The following NEK6 variants were observed in gnomAD, a reference collection of about 807,000 sequenced individuals.
NEK6 encodes serine/threonine-protein kinase Nek6.
Under a neutral mutation model 43.5 loss-of-function variants are expected in NEK6, and 27 were observed. That is an observed-to-expected ratio of 0.62 (90% CI 0.46 to 0.86). The LOEUF is 0.86. NEK6 is among the 40% of genes least tolerant of loss of function. The probability of loss-of-function intolerance (pLI) is 0.00; values close to 1 mark genes in which losing one functional copy is unlikely to be tolerated. For synonymous variants in NEK6, 167 were observed against 164.1 expected (o/e 1.02, Z -0.14); for missense variants, 318 against 414.4 (o/e 0.77, Z 2.02).
At position 124,275,523 on chromosome 9, in the gene NEK6, T is replaced by G. The variant is rs1428446017; in HGVS notation, c.-30+17438T>G. ...CCTGGTTCTCTGGGTCTGTAATGCTTTCCTTCTCACTTCTCAGACATCACT... is the reference window on the plus strand; with the variant it reads ...CCTGGTTCTCTGGGTCTGTAATGCTGTCCTTCTCACTTCTCAGACATCACT... On this transcript the variant is annotated intron_variant, in intron 1 of 9. Coordinates refer to ENST00000320246, the MANE Select transcript of NEK6 (RefSeq NM_014397.6). The surrounding 1 kb of genome is among the most constrained non-coding windows in gnomAD (Gnocchi z 4.4). Among the ~76,000 whole-genome samples the G allele has an allele frequency of 6.6e-6, 1 of 152,192 alleles. No individual in the cohort carries two copies. The highest frequency in any genetic ancestry group is 2.4e-5 in the African/African-American group (1 of 41,442).
intron 1 of NEK6, chr9:124,261,653 C>G: frequency 1.1e-6 from 1 of 903,072 alleles, no homozygotes; most frequent in East Asian, 1.2e-4. Flanking sequence ...CCATTTCGAT[C>G]ACGGCTTCTA....
chr9:124,312,776 G>A, intron 3 of NEK6, 127 bp downstream of exon 3: 1 of 947,866 alleles, frequency 1.1e-6, no homozygotes, highest in South Asian at 1.8e-5. Context: ...TCAACTCACT[G>A]GGTTACAGAG....
intron 9 of NEK6, among the ~76,000 whole-genome samples, chr9:124,348,461 A>G (rs1334937074): frequency 2.0e-5 from 3 of 152,172 alleles, no homozygotes; most frequent in African/African-American, 7.2e-5. Flanking sequence ...AATGGTGAGG[A>G]AGAAAGGACA....
rs759376496 is a variant in NEK6 at position 124,326,320 on chromosome 9, C to G, written c.406-10C>G. The G allele has an allele frequency of 6.2e-7, 1 of 1,603,208 alleles. No individual in the cohort carries two copies. Among genetic ancestry groups the G allele is most frequent in the South Asian group, 1.1e-5 (1 of 90,964 alleles). ...CGGGCCTATCCCTCTGCTTGTCTCC[C>G]CCACTGCAGTACTTTAAGAAGCAGA... is the stretch of plus-strand genomic sequence containing the variant. On this transcript the variant is annotated splice_polypyrimidine_tract_variant and intron_variant, in intron 5 of 9. Coordinates refer to ENST00000320246, the MANE Select transcript of NEK6 (RefSeq NM_014397.6). This position sits in a 1 kb window ranked among gnomAD's most constrained non-coding sequence, Gnocchi z 4.5.
intron 1 of NEK6, among the ~76,000 whole-genome samples, chr9:124,280,824 G>A (rs1366598297): frequency 1.3e-5 from 2 of 152,128 alleles, no homozygotes; most frequent in East Asian, 3.9e-4. Context: ...ACAGGGTCTT[G>A]CTCTGTTGCC....
chr9:124,260,599 G>T (rs956199482), intron 1 of NEK6, among the ~76,000 whole-genome samples: 3 of 152,104 alleles, frequency 2.0e-5, no homozygotes, highest in African/African-American at 7.2e-5. Flanking sequence ...GTTTCACTGT[G>T]TTGGCCAGCC....
rs767941733 is a variant in NEK6 at position 124,326,468 on chromosome 9, A to G, written c.514+30A>G. 1.3e-6 allele frequency: 2 copies of G among 1,510,086 alleles called. No homozygotes were observed. The highest frequency in any genetic ancestry group is 2.7e-5 in the African/African-American group (2 of 73,022). 93.5% of individuals were successfully genotyped at this position (1,510,086 alleles called of 1,614,324 possible). ...GTGCCACCCGCCAGGAGCCGCCCGG[A>G]GCCACCTGGAGCCCAGGAAGACACT... On this transcript the variant is annotated intron_variant, in intron 6 of 9. Coordinates refer to ENST00000320246, the MANE Select transcript of NEK6 (RefSeq NM_014397.6). This position sits in a 1 kb window ranked among gnomAD's most constrained non-coding sequence, Gnocchi z 4.5.
At chr9:124,334,415 T>G (rs917654632) in intron 7 of NEK6, among the ~76,000 whole-genome samples, 1 of 152,202 alleles carries the variant, frequency 6.6e-6, no homozygotes, top group Non-Finnish European at 1.5e-5. Context: ...CTTTTCTCCG[T>G]ACACCAGTGG....
At chr9:124,280,139 G>A (rs1831830349) in intron 1 of NEK6, among the ~76,000 whole-genome samples, 1 of 152,028 alleles carries the variant, frequency 6.6e-6, no homozygotes, top group East Asian at 2.0e-4. Flanking sequence ...AGGTGTGCCT[G>A]GCTGTGTCCT....
chr9:124,301,872 A>G (rs1239961378), intron 1 of NEK6, 64 bp from the exon 2 acceptor site: 1 of 1,348,996 alleles, frequency 7.4e-7, no homozygotes, highest in Non-Finnish European at 1.0e-6. Context: ...GGGGTGAGCG[A>G]AAGTCCCTCC....
At chr9:124,280,595 G>A (rs574143645) in intron 1 of NEK6, among the ~76,000 whole-genome samples, 5 of 152,298 alleles carry the variant, frequency 3.3e-5, no homozygotes, top group South Asian at 4.1e-4. Context: ...TTCCAAGCAC[G>A]AGGTGACCAG....
In NEK6 at chr9:124,313,263, C is replaced by G. The variant is rs558440059; in HGVS notation, c.231+614C>G. On this transcript the variant is annotated intron_variant, in intron 3 of 9. Transcript: ENST00000320246. Reference sequence around the variant, plus strand: ...ATTGAGAGCCTGGGCAGAGGAGGGCCGGGAGAGAGAATGGCGTTGGGGAAA... The same window carrying G: ...ATTGAGAGCCTGGGCAGAGGAGGGCGGGGAGAGAGAATGGCGTTGGGGAAA... Among the ~76,000 whole-genome samples, 3 of 152,184 alleles carry G rather than the reference C, an allele frequency of 2.0e-5. No homozygotes were observed. The South Asian group carries it at 6.2e-4, about 32-fold the overall frequency.
chr9:124,258,171 A>C (rs1373881772), intron 1 of NEK6, 86 bp downstream of exon 1: 10 of 973,076 alleles, frequency 1.0e-5, no homozygotes, highest in Admixed American at 6.4e-5. Flanking sequence ...CGTCACCCCC[A>C]GCCGGGCCGA....
chr9:124,346,278 C>T (rs761186794), intron 8 of NEK6, among the ~76,000 whole-genome samples: 5 of 152,206 alleles, frequency 3.3e-5, no homozygotes, highest in Admixed American at 6.5e-5. Flanking sequence ...CCTCCACGCC[C>T]TCCTGAAGGA....
chr9:124,260,059 A>G (rs1418935378), intron 1 of NEK6, among the ~76,000 whole-genome samples: 3 of 152,072 alleles, frequency 2.0e-5, no homozygotes, highest in Admixed American at 1.3e-4. Flanking sequence ...TGTGACAGAA[A>G]ATGCTTTTGG....
intron 2 of NEK6, among the ~76,000 whole-genome samples, chr9:124,311,151 C>T (rs1833507428): frequency 6.6e-6 from 1 of 152,190 alleles, no homozygotes; most frequent in South Asian, 2.1e-4. Flanking sequence ...AAGCAGCTGT[C>T]AGAAGGGCCA....
chr9:124,281,517 T>TG, intron 1 of NEK6, among the ~76,000 whole-genome samples: 1 of 130,410 alleles, frequency 7.7e-6, no homozygotes, highest in East Asian at 2.3e-4. Context: ...TTTTTTTTTT[T>TG]GGAGGCAGAA....
rs541357114 is a variant in NEK6, at chr9:124,342,850, C to T, written c.717+3185C>T. Among the ~76,000 whole-genome samples, 5 of 152,364 alleles carry T rather than the reference C, an allele frequency of 3.3e-5. No individual in the cohort carries two copies. In the South Asian group the frequency reaches 6.2e-4, roughly 19 times the overall value. ...CACACACACAGCATATGAACACACA[C>T]ACAGGCTGGCCAGGCTGACAGAGCT... On this transcript the variant is annotated intron_variant, in intron 8 of 9. Transcript: ENST00000320246.
rs1182131908 is a variant in NEK6, at chr9:124,352,228, G to A, written c.*1281G>A. 6.6e-6 allele frequency: 1 copy of A among 152,518 alleles called. No individual in the cohort carries two copies. Among genetic ancestry groups the A allele is most frequent in the Non-Finnish European group, 1.5e-5 (1 of 68,056 alleles). The allele number at this position is 152,518 out of a possible 1,614,324, so 9.4% of individuals were successfully genotyped here. On this transcript the variant is annotated 3_prime_UTR_variant, in exon 10 of 10. Transcript: ENST00000320246. ...CGCTGGCATCGGGCAGGTGATTCCT[G>A]ACACCTGCTGCCTGCAGGCATTCAC...
Sources: gnomAD v4.1 joint callset for allele counts (sites outside exome capture counted in the v4.1 genomes callset) on GRCh38, gnomAD v4.1.1 for gene constraint, Gnocchi (gnomAD v3.1) non-coding constraint, MANE v1.5 for transcripts, NCBI Gene and HGNC (gene_info 2026-07-23, HGNC 2026-07-21) for gene names.